The following EGFR variants were observed in gnomAD, a reference collection of about 807,000 sequenced individuals.
EGFR encodes the protein epidermal growth factor receptor, also known as avian erythroblastic leukemia viral (v-erb-b) oncogene homolog.
A neutral mutation model predicts 143.0 loss-of-function variants in EGFR; 58 were observed. The observed-to-expected ratio is 0.41, with a 90% confidence interval of 0.33 to 0.50. The LOEUF is 0.50. Among genes scored for constraint, EGFR ranks in the 20% least tolerant of loss-of-function variants. The pLI, the probability that EGFR is intolerant of heterozygous loss-of-function variation, is 0.39. For missense variants in EGFR, 1,307 were observed against 1,579.0 expected (o/e 0.83, Z 2.92); for synonymous variants, 613 against 594.4 (o/e 1.03, Z -0.45).
intron 1 of EGFR, among the ~76,000 whole-genome samples, chr7:55,043,118 G>A (rs996568419): frequency 3.3e-5 from 5 of 152,234 alleles, no homozygotes; most frequent in African/African-American, 7.2e-5. Flanking sequence ...GATCGGGCGC[G>A]TTCAAGGTGG....
At chr7:55,109,712 G>C (rs549296937) in intron 1 of EGFR, 1 of 984,960 alleles carries the variant, frequency 1.0e-6, no homozygotes, top group African/African-American at 1.7e-5. Flanking sequence ...TTGACTCACA[G>C]GACAAATTCT....
Position 55,191,702 on chromosome 7 carries a change from G to C in EGFR, c.2470-17G>C, listed in dbSNP as rs765782855. ...CATGATGATCTGTCCCTCACAGCAGGGTCTTCTCTGTTTCAGGGCATGAAC... is the reference window on the plus strand; with the variant it reads ...CATGATGATCTGTCCCTCACAGCAGCGTCTTCTCTGTTTCAGGGCATGAAC... On this transcript the variant is annotated splice_polypyrimidine_tract_variant and intron_variant, in intron 20 of 27. Transcript: ENST00000275493. 1.9e-6 allele frequency: 3 copies of C among 1,613,330 alleles called. No individual in the cohort carries two copies. The highest frequency in any genetic ancestry group is 3.3e-5 in the Admixed American group (2 of 59,982).
intron 1 of EGFR, among the ~76,000 whole-genome samples, chr7:55,105,487 G>A (rs375541917): frequency 8.5e-5 from 13 of 152,230 alleles, no homozygotes; most frequent in East Asian, 5.8e-4. Context: ...AGTCTTTCAT[G>A]ATCAAAGAGA....
At chr7:55,094,445 C>T (rs1361448191) in intron 1 of EGFR, among the ~76,000 whole-genome samples, 1 of 152,200 alleles carries the variant, frequency 6.6e-6, no homozygotes, top group Non-Finnish European at 1.5e-5. Context: ...GACGCAGTTG[C>T]CCAGACGTTT....
chr7:55,167,089 G>C (rs1347603839), intron 15 of EGFR, among the ~76,000 whole-genome samples: 1 of 140,360 alleles, frequency 7.1e-6, no homozygotes, highest in Non-Finnish European at 1.5e-5. Flanking sequence ...TGGTGATGAT[G>C]ATGAGGAGGT....
chr7:55,117,705 A>G (rs1437334856), intron 1 of EGFR, among the ~76,000 whole-genome samples: 1 of 152,202 alleles, frequency 6.6e-6, no homozygotes, highest in Non-Finnish European at 1.5e-5. Context: ...GAGTGCCCTC[A>G]ACGAAGGAGC....
chr7:55,078,857 T>G (rs1790288526), intron 1 of EGFR, among the ~76,000 whole-genome samples: 1 of 152,130 alleles, frequency 6.6e-6, no homozygotes. Flanking sequence ...AAAGTTCAGG[T>G]TCTCCACTCC....
intron 1 of EGFR, among the ~76,000 whole-genome samples, chr7:55,048,538 G>A (rs1340432162): frequency 6.6e-6 from 1 of 152,218 alleles, no homozygotes; most frequent in African/African-American, 2.4e-5. Context: ...GACTTTCACA[G>A]TAGCCAATTG....
chr7:55,205,826 C>T lies in EGFR; in HGVS notation c.*209C>T. The T allele has an allele frequency of 1.5e-6, 1 of 659,462 alleles. No individual in the cohort carries two copies. The highest frequency in any genetic ancestry group is 2.8e-5 in the Admixed American group (1 of 35,932). The allele number at this position is 659,462 out of a possible 1,614,324, so 40.9% of individuals were successfully genotyped here. A position where few individuals can be genotyped will look rare whatever the true frequency, so the allele number is the denominator to read the frequency against. On this transcript the variant is annotated 3_prime_UTR_variant, in exon 28 of 28. Transcript: ENST00000275493. ...ATTCCTTTGTCTTCAAACTGTGAAG[C>T]ATTTACAGAAACGCATCCAGCAAGA... is the stretch of plus-strand genomic sequence containing the variant.
intron 20 of EGFR, chr7:55,181,972 C>A (rs569022426): frequency 4.4e-6 from 1 of 228,648 alleles, no homozygotes; most frequent in East Asian, 1.1e-4. Flanking sequence ...GTGGCTGGGG[C>A]CTTGGCTAAG....
At position 55,109,892 on chromosome 7, in the gene EGFR, T is replaced by C. The variant is rs1040572321; in HGVS notation, c.89-32394T>C. The C allele has an allele frequency of 5.0e-5, 49 of 985,592 alleles. No individual in the cohort carries two copies. The African/African-American group carries it at 8.0e-4, about 16-fold the overall frequency. 61.1% of individuals were successfully genotyped at this position (985,592 alleles called of 1,614,324 possible). On this transcript the variant is annotated intron_variant, in intron 1 of 27. Coordinates refer to ENST00000275493, the MANE Select transcript of EGFR (RefSeq NM_005228.5). ...GGAGCTCTGGGCTGCTGGCTGGTTG[T>C]GCATTTGCTGTGGGTTCCCTCCGGC...
At chr7:55,114,491 T>C (rs1392751064) in intron 1 of EGFR, among the ~76,000 whole-genome samples, 1 of 152,166 alleles carries the variant, frequency 6.6e-6, no homozygotes, top group Non-Finnish European at 1.5e-5. Context: ...GTTTCTAAAA[T>C]AAATAATAAA....
intron 1 of EGFR, among the ~76,000 whole-genome samples, chr7:55,032,689 C>T (rs1044421712): frequency 1.8e-4 from 27 of 152,176 alleles, no homozygotes; most frequent in African/African-American, 6.0e-4. Flanking sequence ...GATATTTCTG[C>T]TCATTTTTCA....
intron 1 of EGFR, among the ~76,000 whole-genome samples, chr7:55,049,195 T>C (rs1465426255): frequency 1.3e-5 from 2 of 152,196 alleles, no homozygotes; most frequent in Non-Finnish European, 2.9e-5. Flanking sequence ...AATTATAATA[T>C]CATCTAGATT....
intron 20 of EGFR, among the ~76,000 whole-genome samples, chr7:55,182,798 A>T (rs1323961322): frequency 6.6e-6 from 1 of 152,102 alleles, no homozygotes; most frequent in Admixed American, 6.5e-5. Flanking sequence ...TGCCATTCTC[A>T]TGGTCATAAC....
chr7:55,166,215 G>A (rs1785974221), intron 15 of EGFR: 1 of 531,856 alleles, frequency 1.9e-6, no homozygotes, highest in Non-Finnish European at 3.7e-6. Flanking sequence ...CTGATTGTGT[G>A]TATCTTATTT....
intron 11 of EGFR, 111 bp downstream of exon 11, chr7:55,157,864 C>G: frequency 9.3e-7 from 1 of 1,078,506 alleles, no homozygotes; most frequent in East Asian, 2.5e-5. Context: ...CATCTCTCGC[C>G]GGCATTCCCA....
chr7:55,090,004 T>C (rs1791012469), intron 1 of EGFR, among the ~76,000 whole-genome samples: 1 of 152,026 alleles, frequency 6.6e-6, no homozygotes, highest in Non-Finnish European at 1.5e-5. Context: ...AGTCTCACTC[T>C]GTTGCCCAGG....
At chr7:55,176,116 C>T (rs11514996) in intron 19 of EGFR, among the ~76,000 whole-genome samples, 46,397 of 152,138 alleles carry the variant, frequency 0.3, 7,946 homozygotes, top group East Asian at 0.62. Context: ...TCTCTGGCCC[C>T]TCACCTGTGC....
Sources: allele counts gnomAD v4.1 joint callset (sites outside exome capture counted in the v4.1 genomes callset), GRCh38; gene constraint gnomAD v4.1.1; transcripts MANE v1.5; gene names NCBI Gene and HGNC (gene_info 2026-07-23, HGNC 2026-07-21).